Variants in VPS26A observed in about 807,000 individuals in gnomAD.
VPS26A encodes the protein VPS26 retromer complex component A.
Under a neutral mutation model 42.4 loss-of-function variants are expected in VPS26A, and 22 were observed. The ratio of observed to expected loss-of-function variants is 0.52; its 90% confidence interval spans 0.37 to 0.74. The LOEUF (loss-of-function observed/expected upper bound fraction) is 0.74. Ranked by LOEUF, VPS26A falls within the 30% of genes least tolerant of loss-of-function variation. The pLI is 0.00. For missense variants in VPS26A, 276 were observed against 379.2 expected, an observed-to-expected ratio of 0.73 and a Z score of 2.26; for synonymous variants, 110 against 123.5, an observed-to-expected ratio of 0.89 and a Z score of 0.73.
chr10:69,151,270 A>AAACAAAAACAAAAAC (rs1554854480), intron 2 of VPS26A, among the ~76,000 whole-genome samples: 1 of 64,368 alleles, frequency 1.6e-5, no homozygotes, highest in Admixed American at 1.7e-4. Context: ...ATGTCAAAAA[A>AAACAAAAACAAAAAC]AAAAAAAAAA....
chr10:69,125,464 G>A (rs1840628999), intron 1 of VPS26A, among the ~76,000 whole-genome samples: 1 of 152,132 alleles, frequency 6.6e-6, no homozygotes, highest in African/African-American at 2.4e-5. Context: ...TGTTTAACGT[G>A]GAAATTAGAA....
intron 2 of VPS26A, among the ~76,000 whole-genome samples, chr10:69,133,378 C>A (rs57274572): frequency 0.05 from 7,543 of 151,866 alleles, 430 homozygotes; most frequent in African/African-American, 0.14. Context: ...TTCTTCAGAT[C>A]GGAGCTGTAA....
At chr10:69,131,558 C>A (rs888597157) in intron 1 of VPS26A, among the ~76,000 whole-genome samples, 1 of 152,256 alleles carries the variant, frequency 6.6e-6, no homozygotes, top group South Asian at 2.1e-4. Flanking sequence ...CATAGTGAAA[C>A]CCTGTCTCTA....
At chr10:69,139,245 AAGTT>A (rs1295002499) in intron 2 of VPS26A, among the ~76,000 whole-genome samples, 1 of 152,074 alleles carries the variant, frequency 6.6e-6, no homozygotes, top group Non-Finnish European at 1.5e-5. Context: ...TTACACTTAA[AAGTT>A]AGTTTTTCTG....
At chr10:69,142,839 T>G (rs1466057190) in intron 2 of VPS26A, among the ~76,000 whole-genome samples, 1 of 151,978 alleles carries the variant, frequency 6.6e-6, no homozygotes, top group Admixed American at 6.6e-5. Flanking sequence ...ATAAACTAAC[T>G]AGTTTTCAAA....
chr10:69,169,604 C>CT (rs145987168), intron 8 of VPS26A, among the ~76,000 whole-genome samples: 27,163 of 148,034 alleles, frequency 0.18, 2,781 homozygotes, highest in Non-Finnish European at 0.23. Context: ...GCCTCTAATC[C>CT]TTTTTTTTTA....
chr10:69,137,747 C>A (rs1840946552), intron 2 of VPS26A, among the ~76,000 whole-genome samples: 1 of 152,072 alleles, frequency 6.6e-6, no homozygotes, highest in African/African-American at 2.4e-5. Flanking sequence ...CACATGTGTA[C>A]ACCATGGGAT....
chr10:69,132,920 G>T lies in VPS26A; in HGVS notation c.26G>T (p.Gly9Val). The T allele has an allele frequency of 6.3e-7, 1 of 1,585,126 alleles. No homozygotes were observed. The highest frequency in any genetic ancestry group is 2.0e-5 in the Admixed American group (1 of 50,512). The change falls in exon 2 of 9, where the codon GGT becomes GTT. Residue 9 changes from glycine to valine, a missense_variant. Gly to Val is a moderately radical substitution (Grantham distance 109, BLOSUM62 -3). Coordinates refer to ENST00000263559, the MANE Select transcript of VPS26A (RefSeq NM_004896.5). MSFLGGFF[G>V]PICEIDIVLN... The stretch of plus-strand genomic sequence containing the variant: ...CAGAGTTTTCTTGGAGGCTTTTTTG[G>T]TCCAATTTGTGAGATCGATATTGTT...
intron 2 of VPS26A, among the ~76,000 whole-genome samples, chr10:69,137,651 T>TA (rs1840944113): frequency 1.3e-5 from 2 of 152,096 alleles, no homozygotes; most frequent in Non-Finnish European, 2.9e-5. Flanking sequence ...TTTGATTAAC[T>TA]AAAAAAATCA....
chr10:69,136,782 G>GTTATTTATTTAT (rs373863330), intron 2 of VPS26A, among the ~76,000 whole-genome samples: 5,691 of 151,334 alleles, frequency 0.038, 375 homozygotes, highest in African/African-American at 0.13. Flanking sequence ...GGCCTGTTTT[G>GTTATTTATTTAT]TTATTTATTT....
intron 2 of VPS26A, among the ~76,000 whole-genome samples, chr10:69,151,435 G>A (rs1841313854): frequency 1.4e-5 from 2 of 138,218 alleles, no homozygotes; most frequent in Admixed American, 1.5e-4. Context: ...CTGGGCTACA[G>A]GGCGAGACTC....
intron 2 of VPS26A, among the ~76,000 whole-genome samples, chr10:69,134,331 T>G (rs1264043744): frequency 6.6e-6 from 1 of 152,224 alleles, no homozygotes; most frequent in Non-Finnish European, 1.5e-5. Context: ...CAGATGGCTT[T>G]CTTCATATCT....
chr10:69,169,540 G>A (rs566840139), intron 8 of VPS26A, among the ~76,000 whole-genome samples: 1 of 150,484 alleles, frequency 6.6e-6, no homozygotes, highest in Admixed American at 6.6e-5. Context: ...AAAGTGATCT[G>A]CCTGCCTTGG....
intron 2 of VPS26A, among the ~76,000 whole-genome samples, chr10:69,151,477 C>G (rs28475577): frequency 0.042 from 5,998 of 144,380 alleles, 436 homozygotes; most frequent in African/African-American, 0.15. Context: ...AAAAAAAATT[C>G]TTGACCCAGC....
At chr10:69,160,795 G>A (rs1841544579) in intron 5 of VPS26A, among the ~76,000 whole-genome samples, 1 of 152,126 alleles carries the variant, frequency 6.6e-6, no homozygotes, top group Admixed American at 6.6e-5. Context: ...AGCCAAACCT[G>A]GGAGGATGCT....
intron 2 of VPS26A, among the ~76,000 whole-genome samples, chr10:69,140,073 G>GTT (rs112819751): frequency 1.3e-4 from 19 of 141,896 alleles, no homozygotes; most frequent in African/African-American, 4.4e-4. Flanking sequence ...TTTCCCCAAT[G>GTT]TTTTTTTTTT....
chr10:69,128,334 C>T (rs1347881108), intron 1 of VPS26A, among the ~76,000 whole-genome samples: 3 of 150,530 alleles, frequency 2.0e-5, no homozygotes, highest in Admixed American at 6.6e-5. Context: ...TGGGTTCAAG[C>T]GATTCTGCTG....
intron 6 of VPS26A, among the ~76,000 whole-genome samples, chr10:69,162,950 A>C (rs1270784848): frequency 6.6e-6 from 1 of 151,794 alleles, no homozygotes; most frequent in Non-Finnish European, 1.5e-5. Context: ...AAAGAAAAAC[A>C]AAAACCAAAA....
Position 69,172,577 on chromosome 10 carries a change from A to G in VPS26A, c.*1308A>G, listed in dbSNP as rs1436907237. ...ATTTCTTTAAACCTGTTTTACTACTATGGCACTTTGATAAAATGGTCAGGA... is the reference window on the plus strand; with the variant it reads ...ATTTCTTTAAACCTGTTTTACTACTGTGGCACTTTGATAAAATGGTCAGGA... On this transcript the variant is annotated 3_prime_UTR_variant, in exon 9 of 9. Transcript: ENST00000263559. The G allele has an allele frequency of 1.3e-5, 2 of 152,622 alleles. No individual in the cohort carries two copies. Among genetic ancestry groups the G allele is most frequent in the African/African-American group, 4.8e-5 (2 of 41,448 alleles). The allele number at this position is 152,622 out of a possible 1,614,324, so 9.5% of individuals were successfully genotyped here.
Sources: gnomAD v4.1 joint callset for allele counts (sites outside exome capture counted in the v4.1 genomes callset) on GRCh38, gnomAD v4.1.1 for gene constraint, MANE v1.5 for transcripts, NCBI Gene and HGNC (gene_info 2026-07-23, HGNC 2026-07-21) for gene names.